The following CNTLN variants were observed in gnomAD, a reference collection of about 807,000 sequenced individuals.
CNTLN encodes the protein centlein.
Under a neutral mutation model 180.0 loss-of-function variants are expected in CNTLN, and 212 were observed. The observed-to-expected ratio is 1.18, with a 90% confidence interval of 1.05 to 1.32. The LOEUF (loss-of-function observed/expected upper bound fraction) is 1.32. Among genes scored for constraint, CNTLN ranks in the 40% most tolerant of loss-of-function variants. The pLI is 0.00. For synonymous variants in CNTLN, 722 were observed against 563.1 expected, an observed-to-expected ratio of 1.28 and a Z score of -3.99; for missense variants, 2,095 against 1,610.9, an observed-to-expected ratio of 1.30 and a Z score of -5.14.
chr9:17,363,652 C>G (rs1289014487), intron 12 of CNTLN, among the ~76,000 whole-genome samples: 1 of 151,890 alleles, frequency 6.6e-6, no homozygotes, highest in Non-Finnish European at 1.5e-5. Flanking sequence ...AATACAAGGA[C>G]CTTGAAATGT....
chr9:17,338,661 TAAC>T (rs1821245535), intron 10 of CNTLN, among the ~76,000 whole-genome samples: 1 of 152,150 alleles, frequency 6.6e-6, no homozygotes, highest in South Asian at 2.1e-4. Flanking sequence ...TTCACATACT[TAAC>T]AATAGAAAGC....
chr9:17,357,993 A>T (rs1174505859), intron 12 of CNTLN, among the ~76,000 whole-genome samples: 1 of 152,034 alleles, frequency 6.6e-6, no homozygotes, highest in African/African-American at 2.4e-5. Flanking sequence ...AATCAAATGT[A>T]GGAATGTTAC....
the CNTLN span, among the ~76,000 whole-genome samples, chr9:17,525,306 A>G: frequency 6.6e-6 from 1 of 152,128 alleles, no homozygotes; most frequent in Non-Finnish European, 1.5e-5. Context: ...AACAGTAAAT[A>G]TTTTCTAAAA....
chr9:17,242,392 C>G (rs1426218901), intron 5 of CNTLN, among the ~76,000 whole-genome samples: 3 of 152,084 alleles, frequency 2.0e-5, no homozygotes, highest in South Asian at 2.1e-4. Context: ...TCACTGCAAC[C>G]TCCACCTCCT....
chr9:17,286,852 A>AT (rs1587496474), intron 6 of CNTLN, among the ~76,000 whole-genome samples: 1 of 126,000 alleles, frequency 7.9e-6, no homozygotes, highest in East Asian at 2.3e-4. Context: ...TTGTACATTG[A>AT]TTTTGTATCC....
chr9:17,352,416 A>ATTT (rs869286111), intron 12 of CNTLN, among the ~76,000 whole-genome samples: 96 of 31,274 alleles, frequency 3.1e-3, no homozygotes, highest in African/African-American at 7.7e-3. Flanking sequence ...ATATATATAT[A>ATTT]TTTTTTTTTT....
intron 2 of CNTLN, among the ~76,000 whole-genome samples, chr9:17,157,922 TTG>T (rs1819412914): frequency 6.6e-6 from 1 of 152,198 alleles, no homozygotes; most frequent in Admixed American, 6.5e-5. Flanking sequence ...TTCACAAACA[TTG>T]TTTTAAGCAC....
At chr9:17,256,659 G>T (rs1826513188) in intron 5 of CNTLN, among the ~76,000 whole-genome samples, 1 of 151,780 alleles carries the variant, frequency 6.6e-6, no homozygotes, top group Non-Finnish European at 1.5e-5. Flanking sequence ...ATTCAAATGA[G>T]CCGATCTGGG....
chr9:17,345,678 TAC>T (rs1243505013), intron 12 of CNTLN, among the ~76,000 whole-genome samples: 1 of 152,098 alleles, frequency 6.6e-6, no homozygotes, highest in Non-Finnish European at 1.5e-5. Flanking sequence ...TCCATTATAA[TAC>T]AGTTATCTCA....
rs113467685 is a variant in CNTLN, at chr9:17,311,698, A to G, written c.1341+2446A>G. On this transcript the variant is annotated intron_variant, in intron 8 of 25. Transcript: ENST00000380647. ...GTGGCGCGTGCCTGTAGTCCCATCT[A>G]CTCGGGAGGCTGAGGCAGGAGAATT... is the stretch of plus-strand genomic sequence containing the variant. 7.2e-5 allele frequency among the ~76,000 whole-genome samples: 11 copies of G among 151,922 alleles called. 1 individual carries two copies. The highest frequency in any genetic ancestry group is 2.7e-4 in the African/African-American group (11 of 41,466).
chr9:17,453,721 A>G (rs925500177), intron 18 of CNTLN, among the ~76,000 whole-genome samples: 10 of 152,312 alleles, frequency 6.6e-5, no homozygotes, highest in Middle Eastern at 3.4e-3. Context: ...ACTTGTGGGT[A>G]TAGGACTGAG....
intron 18 of CNTLN, among the ~76,000 whole-genome samples, chr9:17,417,391 A>G (rs202150735): frequency 3.9e-4 from 59 of 152,186 alleles, no homozygotes; most frequent in African/African-American, 1.4e-3. Context: ...GATATTATAA[A>G]CTATCTGTAT....
At chr9:17,224,218 G>A (rs1824323380) in intron 2 of CNTLN, among the ~76,000 whole-genome samples, 1 of 151,892 alleles carries the variant, frequency 6.6e-6, no homozygotes, top group East Asian at 1.9e-4. Context: ...CATTATCTAT[G>A]TACTGAAATG....
intron 10 of CNTLN, among the ~76,000 whole-genome samples, chr9:17,339,608 T>C (rs1456952275): frequency 2.0e-5 from 3 of 152,196 alleles, no homozygotes; most frequent in Non-Finnish European, 4.4e-5. Context: ...CACCTCACTA[T>C]AATATTAGAG....
At chr9:17,390,444 A>G (rs1015860779) in intron 14 of CNTLN, among the ~76,000 whole-genome samples, 2 of 151,852 alleles carry the variant, frequency 1.3e-5, no homozygotes, top group Middle Eastern at 6.8e-3. Context: ...TCATTTCACC[A>G]TGTTGGCCAG....
At chr9:17,202,646 G>GTTTTTTTTTTTTTTTTTTTTTTT (rs57960408) in intron 2 of CNTLN, among the ~76,000 whole-genome samples, 19 of 71,474 alleles carry the variant, frequency 2.7e-4, no homozygotes, top group Admixed American at 6.5e-4. Flanking sequence ...TGCAACCTCT[G>GTTTTTTTTTTTTTTTTTTTTTTT]TTTTTTTTTT....
intron 2 of CNTLN, among the ~76,000 whole-genome samples, chr9:17,211,028 T>G (rs1823265852): frequency 1.3e-5 from 2 of 152,230 alleles, no homozygotes; most frequent in Admixed American, 6.5e-5. Flanking sequence ...TGATGGTAGT[T>G]TCTTTTGCTG....
chr9:17,388,490 A>G (rs1275344334), intron 14 of CNTLN, among the ~76,000 whole-genome samples: 3 of 152,052 alleles, frequency 2.0e-5, no homozygotes, highest in Non-Finnish European at 4.4e-5. Context: ...CAAAAGGTGA[A>G]ATGGAGAGAA....
At chr9:17,365,614 A>G (rs1823753465) in intron 12 of CNTLN, among the ~76,000 whole-genome samples, 1 of 152,148 alleles carries the variant, frequency 6.6e-6, no homozygotes, top group Non-Finnish European at 1.5e-5. Flanking sequence ...TTTCAGTGTT[A>G]TGTATTAACA....
Sources: allele counts gnomAD v4.1 joint callset (sites outside exome capture counted in the v4.1 genomes callset), GRCh38; gene constraint gnomAD v4.1.1; transcripts MANE v1.5; gene names NCBI Gene and HGNC (gene_info 2026-07-23, HGNC 2026-07-21).